ZHX3: variants seen among roughly 807,000 people sequenced by gnomAD.
ZHX3 encodes zinc fingers and homeoboxes 3.
ZHX3 carries 20 observed loss-of-function variants against 64.5 expected under a neutral mutation model. The ratio of observed to expected loss-of-function variants is 0.31; its 90% CI spans 0.22 to 0.45. ZHX3 has a LOEUF of 0.45. ZHX3 is among the 20% of genes least tolerant of loss of function. ZHX3 has a pLI of 1.00. For synonymous variants in ZHX3, 423 were observed against 461.6 expected, an observed-to-expected ratio of 0.92 and a Z score of 1.07; for missense variants, 1,041 against 1,195.8, an observed-to-expected ratio of 0.87 and a Z score of 1.91.
chr20:41,296,652 CT>C (rs1160619865), intron 1 of ZHX3, among the ~76,000 whole-genome samples: 3 of 152,238 alleles, frequency 2.0e-5, no homozygotes, highest in Non-Finnish European at 4.4e-5. Context: ...CTCCAACTTT[CT>C]CTACCCTGCT....
At chr20:41,311,435 C>CA (rs1227020314) in intron 1 of ZHX3, among the ~76,000 whole-genome samples, 1 of 152,204 alleles carries the variant, frequency 6.6e-6, no homozygotes, top group Non-Finnish European at 1.5e-5. Context: ...AGCCTGAAAG[C>CA]AAACTATCTA....
chr20:41,280,593 T>C (rs1380284725), intron 1 of ZHX3, among the ~76,000 whole-genome samples: 1 of 152,176 alleles, frequency 6.6e-6, no homozygotes, highest in African/African-American at 2.4e-5. Flanking sequence ...TTTTTGTTTT[T>C]TTTAGTAGAG....
At chr20:41,260,919 C>T (rs557166869) in intron 2 of ZHX3, among the ~76,000 whole-genome samples, 5 of 152,370 alleles carry the variant, frequency 3.3e-5, no homozygotes, top group African/African-American at 9.6e-5. Context: ...CGGGCCCATG[C>T]TCTTAGCACT....
chr20:41,272,159 G>C (rs1342714192), intron 1 of ZHX3: 2 of 152,084 alleles, frequency 1.3e-5, no homozygotes, highest in Non-Finnish European at 2.9e-5. Flanking sequence ...AAATAAAAAT[G>C]AAAAAGTAAA....
Position 41,204,170 on chromosome 20 carries a change from G to GT in ZHX3, c.746dup (p.Asn249LysfsTer68). 2 of 1,609,008 alleles carry GT rather than the reference G, an allele frequency of 1.2e-6. No individual in the cohort carries two copies. The highest frequency in any genetic ancestry group is 1.7e-6 in the Non-Finnish European group (2 of 1,177,460). On this transcript the variant is annotated frameshift_variant, in exon 3 of 4. Transcript: ENST00000683867. LOFTEE classifies it high-confidence loss of function. This position sits in a 1 kb window ranked among gnomAD's most constrained non-coding sequence, Gnocchi z 6.6. ...TCAGGGGCCCGTTGGCGGCATGGGG[G>GT]TTTTTTGCAGAGCTGGCAGATGCCT...
At chr20:41,289,778 T>C (rs1279458367) in intron 1 of ZHX3, among the ~76,000 whole-genome samples, 3 of 151,186 alleles carry the variant, frequency 2.0e-5, no homozygotes, top group African/African-American at 7.3e-5. Flanking sequence ...GAAATGATCC[T>C]GTCTTACTTG....
intron 2 of ZHX3, among the ~76,000 whole-genome samples, chr20:41,238,981 A>G (rs1014629210): frequency 8.7e-5 from 8 of 92,446 alleles, no homozygotes; most frequent in Non-Finnish European, 1.3e-4. Flanking sequence ...ACAAGGGCCT[A>G]TTTTCTCTCT....
chr20:41,299,513 T>C (rs766316456), intron 1 of ZHX3, among the ~76,000 whole-genome samples: 5 of 151,938 alleles, frequency 3.3e-5, no homozygotes, highest in Non-Finnish European at 5.9e-5. Context: ...TAGAGTGAAT[T>C]TGGAGCTGAG....
intron 2 of ZHX3, among the ~76,000 whole-genome samples, chr20:41,239,185 T>C (rs1159012180): frequency 6.6e-6 from 1 of 151,096 alleles, no homozygotes; most frequent in Non-Finnish European, 1.5e-5. Context: ...TTTTTTTGTA[T>C]TTTTTAGTAG....
In ZHX3 at chr20:41,226,635, C is replaced by T. The variant is rs1000451924; in HGVS notation, c.-150-21569G>A. On this transcript the variant is annotated intron_variant, in intron 2 of 3. Coordinates refer to ENST00000683867, the MANE Select transcript of ZHX3 (RefSeq NM_001384317.1). The surrounding 1 kb of genome is among the most constrained non-coding windows in gnomAD (Gnocchi z 4.4). ...ACAGGAGTCATCAATTCGTCTTTACCTTTTTTGATCCTGTCATCAAATTAT... is the reference window on the plus strand; with the variant it reads ...ACAGGAGTCATCAATTCGTCTTTACTTTTTTTGATCCTGTCATCAAATTAT... Among the ~76,000 whole-genome samples the T allele has an allele frequency of 3.9e-5, 6 of 152,114 alleles. No homozygotes were observed. Among genetic ancestry groups the T allele is most frequent in the African/African-American group, 1.4e-4 (6 of 41,420 alleles).
Position 41,232,890 on chromosome 20 carries a change from A to G in ZHX3, c.-150-27824T>C, listed in dbSNP as rs2040718362. Among the ~76,000 whole-genome samples the G allele has an allele frequency of 6.6e-6, 1 of 152,190 alleles. No individual in the cohort carries two copies. The highest frequency in any genetic ancestry group is 2.4e-5 in the African/African-American group (1 of 41,456). On this transcript the variant is annotated intron_variant, in intron 2 of 3. Transcript: ENST00000683867. The surrounding 1 kb of genome is among the most constrained non-coding windows in gnomAD (Gnocchi z 5.0). ...ATGAGCCACCACGCCCGGCTGGAAAATTCTTGATATGTATCAGTATTTTTC... is the reference window on the plus strand; with the variant it reads ...ATGAGCCACCACGCCCGGCTGGAAAGTTCTTGATATGTATCAGTATTTTTC...
intron 2 of ZHX3, among the ~76,000 whole-genome samples, chr20:41,206,775 T>C (rs2038749084): frequency 6.6e-6 from 1 of 152,092 alleles, no homozygotes; most frequent in Non-Finnish European, 1.5e-5. Context: ...CAGGCCAACA[T>C]TAAAATTCAG....
chr20:41,202,861 C>T lies in ZHX3; in HGVS notation c.2056G>A (p.Ala686Thr). The T allele has an allele frequency of 6.2e-7, 1 of 1,614,184 alleles. No individual in the cohort carries two copies. The highest frequency in any genetic ancestry group is 1.1e-5 in the South Asian group (1 of 91,082). Residue 686 changes from alanine to threonine, a missense_variant, in exon 3 of 4, where the codon GCT (alanine) becomes ACT (threonine). This residue lies in a region of ZHX3 where 649 missense variants were observed against 739.8 expected (regional missense o/e 0.88). Transcript: ENST00000683867. The surrounding 1 kb of genome is among the most constrained non-coding windows in gnomAD (Gnocchi z 7.0). ...TCTTCTCCACCCTCATCCTCAGCAG[C>T]CTCCTCTTCCTCCTGAGAGGCATTC... ...EENASQEEEE[A>T]AEDEGGEEDL... is the part of the protein sequence containing the mutation.
At position 41,185,094 on chromosome 20, in the gene ZHX3, T is replaced by C; in HGVS notation, c.*97A>G. 1.3e-6 allele frequency: 2 copies of C among 1,566,950 alleles called. No individual in the cohort carries two copies. Among genetic ancestry groups the C allele is most frequent in the Non-Finnish European group, 1.7e-6 (2 of 1,153,870 alleles). ...CTCCCAGGTGCCCAGCAGCCGGGCA[T>C]GGGAACGGCATGTGGCAGCAGAGAG... On this transcript the variant is annotated 3_prime_UTR_variant, in exon 4 of 4. Transcript: ENST00000683867. This position sits in a 1 kb window ranked among gnomAD's most constrained non-coding sequence, Gnocchi z 5.0.
chr20:41,237,380 T>C (rs2041078580), intron 2 of ZHX3, among the ~76,000 whole-genome samples: 1 of 152,090 alleles, frequency 6.6e-6, no homozygotes, highest in Non-Finnish European at 1.5e-5. Flanking sequence ...CCAACAAAGA[T>C]AGACTGGATT....
At position 41,185,219 on chromosome 20, in the gene ZHX3, G is replaced by A. The variant is rs1464493165; in HGVS notation, c.2861-18C>T. The A allele has an allele frequency of 6.3e-7, 1 of 1,599,610 alleles. No homozygotes were observed. Among genetic ancestry groups the A allele is most frequent in the Non-Finnish European group, 8.5e-7 (1 of 1,171,162 alleles). On this transcript the variant is annotated intron_variant, in intron 3 of 3. Coordinates refer to ENST00000683867, the MANE Select transcript of ZHX3 (RefSeq NM_001384317.1). The surrounding 1 kb of genome is among the most constrained non-coding windows in gnomAD (Gnocchi z 5.0). ...GTCTGTTTCTGAGAAGAAAACACAT[G>A]CCTGTCACTCTACGGCAGCTGCCAC...
At chr20:41,265,328 G>C (rs567596461) in intron 2 of ZHX3, among the ~76,000 whole-genome samples, 1 of 150,914 alleles carries the variant, frequency 6.6e-6, no homozygotes, top group Non-Finnish European at 1.5e-5. Context: ...TCAGCCTCCC[G>C]AACAGCTGGG....
chr20:41,189,121 G>A (rs1438511318), intron 3 of ZHX3, among the ~76,000 whole-genome samples: 1 of 152,052 alleles, frequency 6.6e-6, no homozygotes, highest in South Asian at 2.1e-4. Flanking sequence ...GCATGTTCTT[G>A]GCACCTTTGT....
At position 41,204,742 on chromosome 20, in the gene ZHX3, T is replaced by C; in HGVS notation, c.175A>G (p.Thr59Ala). 6.2e-7 allele frequency: 1 copy of C among 1,614,210 alleles called. No individual in the cohort carries two copies. Among genetic ancestry groups the C allele is most frequent in the Non-Finnish European group, 8.5e-7 (1 of 1,180,028 alleles). The change falls in exon 3 of 4, where the codon ACT becomes GCT. Residue 59 changes from threonine (T) to alanine (A), a missense_variant. Thr to Ala is a moderately conservative substitution (Grantham distance 58). Around this residue, in one of 4 missense-constraint regions of ZHX3, gnomAD observed 358 missense variants for 369.1 expected, o/e 0.97. Coordinates refer to ENST00000683867, the MANE Select transcript of ZHX3 (RefSeq NM_001384317.1). This position sits in a 1 kb window ranked among gnomAD's most constrained non-coding sequence, Gnocchi z 6.6. ...CCATTGGCCAGTGTAGAGCCATCAG[T>C]ACTGCTGGGGTTCTGTGCTGCCTCA... is the stretch of plus-strand genomic sequence containing the variant. The part of the protein sequence containing the change: ...SSEAAQNPSS[T>A]DGSTLANGHR...
Sources: allele counts gnomAD v4.1 joint callset (sites outside exome capture counted in the v4.1 genomes callset), GRCh38; gene constraint gnomAD v4.1.1; regional missense constraint gnomAD v4.1.1; non-coding constraint Gnocchi (gnomAD v3.1); transcripts MANE v1.5; gene names NCBI Gene and HGNC (gene_info 2026-07-23, HGNC 2026-07-21).